The following CHRM3 variants were observed in gnomAD, a reference collection of about 807,000 sequenced individuals.
CHRM3 encodes cholinergic receptor muscarinic 3.
In CHRM3, 11 loss-of-function variants were observed where a neutral mutation model predicts 41.8. The observed-to-expected ratio is 0.26, with a 90% CI of 0.17 to 0.44. CHRM3 has a LOEUF of 0.44. Ranked by LOEUF, CHRM3 falls within the 20% of genes least tolerant of loss-of-function variation. The pLI, the probability that CHRM3 is intolerant of heterozygous loss-of-function variation, is 1.00. For missense variants in CHRM3, 571 were observed against 745.4 expected, an observed-to-expected ratio of 0.77 and a Z score of 2.72; for synonymous variants, 297 against 301.4, an observed-to-expected ratio of 0.99 and a Z score of 0.15.
intron 2 of CHRM3, among the ~76,000 whole-genome samples, chr1:239,510,301 A>G (rs1373230173): frequency 6.6e-6 from 1 of 152,194 alleles, no homozygotes; most frequent in Non-Finnish European, 1.5e-5. Flanking sequence ...GTCCAGGCCT[A>G]TGAGACATAA....
intron 6 of CHRM3, among the ~76,000 whole-genome samples, chr1:239,864,536 A>ACG (rs1167558466): frequency 3.4e-4 from 49 of 143,466 alleles, no homozygotes; most frequent in African/African-American, 1.3e-3. Context: ...ACACACACAC[A>ACG]CACACACACG....
In CHRM3 at chr1:239,907,201, AG is replaced by A. The variant is rs1680035096; in HGVS notation, c.-19-231del. 1.3e-5 allele frequency among the ~76,000 whole-genome samples: 2 copies of A among 152,190 alleles called. No individual in the cohort carries two copies. The highest frequency in any genetic ancestry group is 4.1e-4 in the South Asian group (2 of 4,828). On this transcript the variant is annotated intron_variant, in intron 6 of 6. Coordinates refer to ENST00000676153, the MANE Select transcript of CHRM3 (RefSeq NM_001375978.1). The surrounding 1 kb of genome is among the most constrained non-coding windows in gnomAD (Gnocchi z 5.4). ...AGAAATGAGAAAAATGTGGGAAAAA[AG>A]CACAATGTTCAGTGCATGCCACCAA...
At chr1:239,606,433 G>T (rs528218486) in intron 3 of CHRM3, among the ~76,000 whole-genome samples, 1 of 151,912 alleles carries the variant, frequency 6.6e-6, no homozygotes, top group African/African-American at 2.4e-5. Flanking sequence ...CCACCAGCAC[G>T]TTCGGCTTAT....
chr1:239,784,785 A>G (rs1668765855), intron 5 of CHRM3, among the ~76,000 whole-genome samples: 1 of 152,170 alleles, frequency 6.6e-6, no homozygotes, highest in African/African-American at 2.4e-5. Context: ...TTAACTTATT[A>G]GCAACAAGGC....
chr1:239,702,206 G>A lies in CHRM3; in HGVS notation c.-147+23918G>A, dbSNP rs139089915. Among the ~76,000 whole-genome samples, 190 of 152,180 alleles carry A rather than the reference G, an allele frequency of 1.2e-3. 2 individuals carry two copies. The highest frequency in any genetic ancestry group is 4.3e-3 in the African/African-American group (178 of 41,514). ...TTAAAGGAAGGTAGTACTTAAATTC[G>A]TCACTGATCTTGGAATTTCAAGTTG... On this transcript the variant is annotated intron_variant, in intron 5 of 6. Coordinates refer to ENST00000676153, the MANE Select transcript of CHRM3 (RefSeq NM_001375978.1).
intron 1 of CHRM3, among the ~76,000 whole-genome samples, chr1:239,457,345 T>C (rs1419054054): frequency 1.3e-5 from 2 of 152,192 alleles, no homozygotes; most frequent in African/African-American, 4.8e-5. Flanking sequence ...GCAGTTTTTA[T>C]TGGGATTGTA....
rs898537386 is a variant in CHRM3, at chr1:239,772,155, CT to C, written c.-146-55088del. 5.9e-5 allele frequency among the ~76,000 whole-genome samples: 9 copies of C among 151,406 alleles called. No homozygotes were observed. In the East Asian group the frequency reaches 1.6e-3, roughly 26 times the overall value. ...TTTCCATTTCTATGTATATACTTTT[CT>C]TTTTTTTTCTTTGAGACGGAGGTTC... On this transcript the variant is annotated intron_variant, in intron 5 of 6. Transcript: ENST00000676153.
At chr1:239,842,141 A>T (rs1247034432) in intron 6 of CHRM3, among the ~76,000 whole-genome samples, 1 of 152,180 alleles carries the variant, frequency 6.6e-6, no homozygotes, top group Non-Finnish European at 1.5e-5. Context: ...TCATCTATCA[A>T]GTCCTATGGT....
chr1:239,549,705 T>TA (rs1659636251), intron 3 of CHRM3, among the ~76,000 whole-genome samples: 1 of 150,674 alleles, frequency 6.6e-6, no homozygotes, highest in African/African-American at 2.4e-5. Flanking sequence ...GGAGACTGAT[T>TA]AAGTCCAATA....
intron 5 of CHRM3, among the ~76,000 whole-genome samples, chr1:239,823,078 A>T (rs1220125971): frequency 6.6e-6 from 1 of 152,248 alleles, no homozygotes; most frequent in East Asian, 1.9e-4. Context: ...TAGACAGTTT[A>T]TCACAGATTT....
At chr1:239,747,725 A>C (rs941029622) in intron 5 of CHRM3, among the ~76,000 whole-genome samples, 1 of 152,194 alleles carries the variant, frequency 6.6e-6, no homozygotes, top group East Asian at 1.9e-4. Flanking sequence ...TAATGCTTAT[A>C]ATCTATTAGA....
intron 6 of CHRM3, among the ~76,000 whole-genome samples, chr1:239,881,273 ACTCC>A (rs1677600251): frequency 7.8e-5 from 5 of 64,198 alleles, no homozygotes; most frequent in Non-Finnish European, 1.1e-4. Context: ...ACAGAGTGAG[ACTCC>A]GTCTCAAAAA....
rs112635291 is a variant in CHRM3 at position 239,580,565 on chromosome 1, T to G, written c.-313+34816T>G. On this transcript the variant is annotated intron_variant, in intron 3 of 6. Transcript: ENST00000676153. The stretch of plus-strand genomic sequence containing the variant: ...GTGATTGATTTGTGGTCCTCTAGGA[T>G]TTACCAAAACTAATAGTACAATCTG... Among the ~76,000 whole-genome samples the G allele has an allele frequency of 7.9e-3, 1,200 of 151,602 alleles. 12 individuals are homozygous for G. The highest frequency in any genetic ancestry group is 0.014 in the Middle Eastern group (4 of 288).
chr1:239,588,622 T>C (rs1663689839), intron 3 of CHRM3, among the ~76,000 whole-genome samples: 1 of 152,164 alleles, frequency 6.6e-6, no homozygotes, highest in South Asian at 2.1e-4. Flanking sequence ...CTTCAAAACA[T>C]ATTTTTAACT....
At chr1:239,471,153 A>C (rs1375665163) in intron 1 of CHRM3, among the ~76,000 whole-genome samples, 4 of 152,222 alleles carry the variant, frequency 2.6e-5, no homozygotes, top group Non-Finnish European at 2.9e-5. Context: ...TAATTGAGAT[A>C]ATGAATCACT....
chr1:239,490,412 C>T (rs975638483), intron 1 of CHRM3, among the ~76,000 whole-genome samples: 3 of 152,054 alleles, frequency 2.0e-5, no homozygotes, highest in East Asian at 1.9e-4. Context: ...TGAGATCCTC[C>T]TTCTCTGTAA....
intron 3 of CHRM3, among the ~76,000 whole-genome samples, chr1:239,606,405 A>G (rs1243207057): frequency 6.6e-6 from 1 of 151,760 alleles, no homozygotes; most frequent in Non-Finnish European, 1.5e-5. Context: ...CCTCCCGAGT[A>G]GCTGGGACTA....
chr1:239,673,843 G>A (rs1027554241), intron 4 of CHRM3, among the ~76,000 whole-genome samples: 2 of 151,904 alleles, frequency 1.3e-5, no homozygotes, highest in East Asian at 1.9e-4. Context: ...TTTCCTGTTC[G>A]ATACACAAAT....
chr1:239,619,966 G>T (rs1024142493), intron 3 of CHRM3, among the ~76,000 whole-genome samples: 1 of 152,130 alleles, frequency 6.6e-6, no homozygotes, highest in Non-Finnish European at 1.5e-5. Flanking sequence ...GCCATCTCTG[G>T]CTAAAGAATA....
Sources: gnomAD v4.1 joint callset for allele counts (sites outside exome capture counted in the v4.1 genomes callset) on GRCh38, gnomAD v4.1.1 for gene constraint, Gnocchi (gnomAD v3.1) non-coding constraint, MANE v1.5 for transcripts, NCBI Gene and HGNC (gene_info 2026-07-23, HGNC 2026-07-21) for gene names.